EML1: variants seen among roughly 807,000 people sequenced by gnomAD.
The protein encoded by EML1 is EMAP like 1, also known as echinoderm microtubule-associated protein-like 1.
Under a neutral mutation model 110.4 loss-of-function variants are expected in EML1, and 27 were observed. That is an observed-to-expected ratio of 0.24 (90% confidence interval 0.18 to 0.34). The LOEUF is 0.34. Ranked by LOEUF, EML1 falls within the 10% of genes least tolerant of loss-of-function variation. EML1 has a pLI of 1.00. For missense variants in EML1, 741 were observed against 1,030.9 expected, an observed-to-expected ratio of 0.72 and a Z score of 3.85; for synonymous variants, 344 against 385.8, an observed-to-expected ratio of 0.89 and a Z score of 1.27.
intron 1 of EML1, among the ~76,000 whole-genome samples, chr14:99,840,773 A>T (rs1229104379): frequency 6.6e-6 from 1 of 152,262 alleles, no homozygotes; most frequent in Non-Finnish European, 1.5e-5. Context: ...TTATCCCTGG[A>T]TACTGAGATA....
At chr14:99,740,773 G>A (rs1295303968) in intron 1 of EML1, among the ~76,000 whole-genome samples, 3 of 152,162 alleles carry the variant, frequency 2.0e-5, no homozygotes, top group Admixed American at 1.3e-4. Flanking sequence ...TGGGGGGTTC[G>A]TCAATTCTCT....
chr14:99,870,659 A>G (rs1212694651), intron 3 of EML1, among the ~76,000 whole-genome samples: 1 of 152,148 alleles, frequency 6.6e-6, no homozygotes, highest in African/African-American at 2.4e-5. Context: ...CAAAAATCCT[A>G]GGGCCCTTAA....
intron 17 of EML1, among the ~76,000 whole-genome samples, chr14:99,930,196 G>T (rs1376940862): frequency 6.6e-6 from 1 of 152,232 alleles, no homozygotes; most frequent in Non-Finnish European, 1.5e-5. Flanking sequence ...GGTCTGAGGG[G>T]TTACCTCATA....
At chr14:99,917,083 G>T (rs914719904) in intron 15 of EML1, among the ~76,000 whole-genome samples, 1 of 152,172 alleles carries the variant, frequency 6.6e-6, no homozygotes, top group African/African-American at 2.4e-5. Context: ...CCGTGTCATG[G>T]AGTTGGGTGC....
intron 17 of EML1, among the ~76,000 whole-genome samples, chr14:99,921,169 G>A (rs752613441): frequency 1.3e-5 from 2 of 151,964 alleles, no homozygotes; most frequent in African/African-American, 2.4e-5. Context: ...GAGCCCATGC[G>A]GTATTTGGTT....
chr14:99,746,901 G>A (rs2057115445), intron 1 of EML1, among the ~76,000 whole-genome samples: 1 of 152,146 alleles, frequency 6.6e-6, no homozygotes, highest in South Asian at 2.1e-4. Flanking sequence ...GCTCTGGTTT[G>A]TTGAGCATCT....
At chr14:99,845,456 C>A (rs1437263805) in intron 1 of EML1, among the ~76,000 whole-genome samples, 3 of 152,092 alleles carry the variant, frequency 2.0e-5, no homozygotes, top group Non-Finnish European at 4.4e-5. Context: ...TGCACACATC[C>A]CCATCAGTAC....
intron 10 of EML1, among the ~76,000 whole-genome samples, chr14:99,908,667 G>C (rs2059896012): frequency 6.6e-6 from 1 of 152,200 alleles, no homozygotes; most frequent in East Asian, 1.9e-4. Context: ...GTAGGCCAGG[G>C]TGCGGGTCTT....
intron 1 of EML1, among the ~76,000 whole-genome samples, chr14:99,742,758 A>C (rs1338359209): frequency 1.3e-5 from 2 of 152,158 alleles, no homozygotes; most frequent in Non-Finnish European, 2.9e-5. Context: ...GGACACAGGC[A>C]GGTCCCTCTC....
At chr14:99,870,905 T>G (rs925532335) in intron 3 of EML1, among the ~76,000 whole-genome samples, 1 of 152,214 alleles carries the variant, frequency 6.6e-6, no homozygotes, top group Admixed American at 6.5e-5. Flanking sequence ...ACACGCATTC[T>G]GCAGCCCTTG....
At chr14:99,927,177 G>C (rs890040065) in intron 17 of EML1, among the ~76,000 whole-genome samples, 5 of 151,898 alleles carry the variant, frequency 3.3e-5, no homozygotes, top group Admixed American at 6.6e-5. Context: ...TTAACAATTT[G>C]TTTAAACCAG....
chr14:99,841,857 G>A (rs10131631), intron 1 of EML1, among the ~76,000 whole-genome samples: 12,990 of 152,200 alleles, frequency 0.085, 1,890 homozygotes, highest in African/African-American at 0.3. Context: ...CCCCATAGAC[G>A]CAGTTACACA....
chr14:99,883,915 C>T (rs1394332119), intron 4 of EML1, among the ~76,000 whole-genome samples: 1 of 152,248 alleles, frequency 6.6e-6, no homozygotes, highest in African/African-American at 2.4e-5. Flanking sequence ...GCTCAACAAG[C>T]ATTAGTCGAA....
chr14:99,793,634 G>A (rs1299921837), intron 1 of EML1, 91 bp downstream of exon 1: 4 of 931,878 alleles, frequency 4.3e-6, no homozygotes, highest in Admixed American at 6.3e-5. Flanking sequence ...AGGGGCCGAG[G>A]CCCGGCGGCC....
intron 1 of EML1, among the ~76,000 whole-genome samples, chr14:99,766,598 G>A (rs2057371619): frequency 1.3e-5 from 2 of 152,146 alleles, no homozygotes; most frequent in African/African-American, 2.4e-5. Flanking sequence ...GAAGACTATT[G>A]TATTCCAGCA....
intron 1 of EML1, among the ~76,000 whole-genome samples, chr14:99,749,258 G>A (rs10138664): frequency 0.52 from 78,497 of 152,116 alleles, 22,909 homozygotes; most frequent in Middle Eastern, 0.64. Context: ...CGGTGGCTGC[G>A]CCATTTTCCC....
intron 4 of EML1, among the ~76,000 whole-genome samples, chr14:99,888,875 G>A (rs1159671043): frequency 2.0e-5 from 3 of 152,086 alleles, no homozygotes; most frequent in African/African-American, 4.8e-5. Flanking sequence ...AATTGGGAAA[G>A]GCTGAGTGTG....
intron 3 of EML1, among the ~76,000 whole-genome samples, chr14:99,872,195 C>T (rs776166864): frequency 4.6e-5 from 7 of 152,154 alleles, no homozygotes; most frequent in Non-Finnish European, 8.8e-5. Context: ...GAAACAAGTC[C>T]TGGCTATGAA....
At chr14:99,924,708 T>C (rs1213653344) in intron 17 of EML1, among the ~76,000 whole-genome samples, 1 of 152,148 alleles carries the variant, frequency 6.6e-6, no homozygotes. Flanking sequence ...GCATTCAGTC[T>C]TTCATCATGA....
Sources: gnomAD v4.1 joint callset for allele counts (sites outside exome capture counted in the v4.1 genomes callset) on GRCh38, gnomAD v4.1.1 for gene constraint, MANE v1.5 for transcripts, NCBI Gene and HGNC (gene_info 2026-07-23, HGNC 2026-07-21) for gene names.